Variants in CD226 observed in about 807,000 individuals in gnomAD.
CD226 encodes the protein CD226 antigen.
Under a neutral mutation model 34.9 loss-of-function variants are expected in CD226, and 24 were observed. The ratio of observed to expected loss-of-function variants is 0.69; its 90% CI spans 0.50 to 0.97. The LOEUF is 0.97. Ranked by LOEUF, CD226 falls within the 50% of genes least tolerant of loss-of-function variation. CD226 has a pLI of 0.00. For missense variants in CD226, 397 were observed against 412.7 expected (o/e 0.96, Z 0.33); for synonymous variants, 148 against 147.4 (o/e 1.00, Z -0.03).
chr18:69,952,733 G>GA (rs904946001), upstream of CD226, among the ~76,000 whole-genome samples: 18 of 151,986 alleles, frequency 1.2e-4, no homozygotes, highest in African/African-American at 4.3e-4. Flanking sequence ...GGCAACAAAA[G>GA]AAAAAAATAA....
In CD226 at chr18:69,911,394, C is replaced by T. The variant is rs1037398700; in HGVS notation, c.383-15349G>A. On this transcript the variant is annotated intron_variant, in intron 2 of 5. Coordinates refer to ENST00000582621, the MANE Select transcript of CD226 (RefSeq NM_001303618.2). ...ATTGAGCTATTAAAAGTCTATTAGC[C>T]TAGCAAGCCCTGGGAACTGCCTTCT... 1.9e-4 allele frequency among the ~76,000 whole-genome samples: 29 copies of T among 152,186 alleles called. 1 individual carries two copies. Among genetic ancestry groups the T allele is most frequent in the Admixed American group, 1.7e-3 (26 of 15,278 alleles).
At chr18:69,924,028 C>T (rs908590400) in intron 2 of CD226, among the ~76,000 whole-genome samples, 12 of 151,616 alleles carry the variant, frequency 7.9e-5, no homozygotes, top group African/African-American at 2.7e-4. Flanking sequence ...CATCATTTAT[C>T]GAGGATGGCT....
upstream of CD226, among the ~76,000 whole-genome samples, chr18:69,951,406 T>TC (rs2055853209): frequency 6.6e-6 from 1 of 152,182 alleles, no homozygotes; most frequent in Non-Finnish European, 1.5e-5. Flanking sequence ...TTCTCTTCTC[T>TC]CCATCCTTGT....
chr18:69,904,591 G>C (rs1366530026), intron 2 of CD226, among the ~76,000 whole-genome samples: 3 of 152,204 alleles, frequency 2.0e-5, no homozygotes, highest in African/African-American at 7.2e-5. Flanking sequence ...GGTACAATGA[G>C]AATGATGTTT....
At chr18:69,900,171 A>G (rs960055590) in intron 2 of CD226, among the ~76,000 whole-genome samples, 4 of 152,212 alleles carry the variant, frequency 2.6e-5, no homozygotes, top group Admixed American at 6.5e-5. Context: ...TCAGTAAACT[A>G]ATGCAGGAAT....
intron 3 of CD226, among the ~76,000 whole-genome samples, chr18:69,884,819 C>T (rs2145216688): frequency 6.6e-6 from 1 of 152,276 alleles, no homozygotes; most frequent in South Asian, 2.1e-4. Flanking sequence ...TACTTGAAGA[C>T]TAGTTATCAT....
intron 2 of CD226, among the ~76,000 whole-genome samples, chr18:69,901,169 A>C (rs964885505): frequency 2.6e-5 from 4 of 152,174 alleles, no homozygotes; most frequent in Non-Finnish European, 5.9e-5. Context: ...ACAACAAAAA[A>C]ATGAAAGGTG....
rs1161766228 is a variant in CD226, at chr18:69,863,620, C to T, written c.*694G>A. On this transcript the variant is annotated 3_prime_UTR_variant, in exon 6 of 6. Transcript: ENST00000582621. ...ATCCCATATTTCACTTTTTAGTTAA[C>T]AAAAATGTCTTGGTTAATCACTGCA... 1.3e-5 allele frequency: 2 copies of T among 152,160 alleles called. No individual in the cohort carries two copies. The highest frequency in any genetic ancestry group is 2.9e-5 in the Non-Finnish European group (2 of 68,040). 9.4% of individuals were successfully genotyped at this position (152,160 alleles called of 1,614,324 possible).
At chr18:69,905,303 A>G (rs920247157) in intron 2 of CD226, among the ~76,000 whole-genome samples, 19 of 151,476 alleles carry the variant, frequency 1.3e-4, no homozygotes, top group Admixed American at 9.2e-4. Flanking sequence ...TTAGAAATCA[A>G]TTTCTGCACT....
intron 2 of CD226, among the ~76,000 whole-genome samples, chr18:69,901,272 A>G (rs942102126): frequency 2.0e-5 from 3 of 152,226 alleles, no homozygotes; most frequent in African/African-American, 4.8e-5. Flanking sequence ...GGAGAAATGC[A>G]AAGTAGACAC....
In CD226 at chr18:69,876,453, G is replaced by A. The variant is rs1329001879; in HGVS notation, c.728-3207C>T. On this transcript the variant is annotated intron_variant, in intron 3 of 5. Coordinates refer to ENST00000582621, the MANE Select transcript of CD226 (RefSeq NM_001303618.2). Reference sequence around the variant, plus strand: ...GAAATATGTTACCTATTTGTAACCCGTTTTTAGTAATGTTTGGCCTCTTGG... The same window carrying A: ...GAAATATGTTACCTATTTGTAACCCATTTTTAGTAATGTTTGGCCTCTTGG... Among the ~76,000 whole-genome samples the A allele has an allele frequency of 5.9e-5, 9 of 152,278 alleles. No homozygotes were observed. The East Asian group carries it at 1.3e-3, about 23-fold the overall frequency.
intron 4 of CD226, among the ~76,000 whole-genome samples, chr18:69,872,091 G>GTGTGTGTGTGTGTGTGT (rs768112256): frequency 2.1e-5 from 2 of 93,702 alleles, no homozygotes; most frequent in South Asian, 3.6e-4. Context: ...TGTGTGTGTG[G>GTGTGTGTGTGTGTGTGT]TGCATTTGGT....
rs886919295 is a variant in CD226 at position 69,858,421 on chromosome 18, G to T, written c.*5893C>A. 6 of 152,194 alleles carry T rather than the reference G, an allele frequency of 3.9e-5. No individual in the cohort carries two copies. Among genetic ancestry groups the T allele is most frequent in the Non-Finnish European group, 8.8e-5 (6 of 68,078 alleles). The allele number at this position is 152,194 out of a possible 1,614,324, so 9.4% of individuals were successfully genotyped here. ...TACCCTGACTGCCACTATGGAAGCT[G>T]AAGGGGGAGATACAAGCTGCTGCCT... is the stretch of plus-strand genomic sequence containing the variant. On this transcript the variant is annotated 3_prime_UTR_variant, in exon 6 of 6. Transcript: ENST00000582621.
At chr18:69,957,695 G>A (rs1042868420), upstream of CD226, among the ~76,000 whole-genome samples, 1 of 152,134 alleles carries the variant, frequency 6.6e-6, no homozygotes, top group Non-Finnish European at 1.5e-5. Context: ...GGTCTCTTCT[G>A]CTGGACCACC....
rs563308192 is a variant in CD226, at chr18:69,857,318, T to G, written c.*6996A>C. Reference sequence around the variant, plus strand: ...TTTTTATGTGAGCTAAAATCAAAATTTGCTTCTGAGGACCATTATACGATA... The same window carrying G: ...TTTTTATGTGAGCTAAAATCAAAATGTGCTTCTGAGGACCATTATACGATA... On this transcript the variant is annotated 3_prime_UTR_variant, in exon 6 of 6. Coordinates refer to ENST00000582621, the MANE Select transcript of CD226 (RefSeq NM_001303618.2). The G allele has an allele frequency of 6.6e-6, 1 of 152,334 alleles. No homozygotes were observed. The highest frequency in any genetic ancestry group is 1.9e-4 in the East Asian group (1 of 5,184). 9.4% of individuals were successfully genotyped at this position (152,334 alleles called of 1,614,324 possible).
At chr18:69,873,288 C>A in intron 3 of CD226, 42 bp from the exon 4 acceptor site, 1 of 1,026,476 alleles carries the variant, frequency 9.7e-7, no homozygotes, top group Non-Finnish European at 1.5e-6. Context: ...GGAATTCAGC[C>A]AAAGGCAGTA....
At chr18:69,900,904 A>G (rs2055173871) in intron 2 of CD226, among the ~76,000 whole-genome samples, 2 of 152,220 alleles carry the variant, frequency 1.3e-5, no homozygotes. Flanking sequence ...ATATATTTAA[A>G]ATAGTATTAG....
At chr18:69,895,600 C>T (rs906135929) in intron 3 of CD226, 101 bp downstream of exon 3, 21 of 829,554 alleles carry the variant, frequency 2.5e-5, no homozygotes, top group East Asian at 4.9e-5. Context: ...GCTGAATATG[C>T]GCATTAAATG....
At chr18:69,878,100 T>A (rs954579393) in intron 3 of CD226, among the ~76,000 whole-genome samples, 2 of 152,332 alleles carry the variant, frequency 1.3e-5, no homozygotes, top group African/African-American at 2.4e-5. Flanking sequence ...TTTAGTTTTT[T>A]AAGTTTTGCT....
Sources: allele counts gnomAD v4.1 joint callset (sites outside exome capture counted in the v4.1 genomes callset), GRCh38; gene constraint gnomAD v4.1.1; transcripts MANE v1.5; gene names NCBI Gene and HGNC (gene_info 2026-07-23, HGNC 2026-07-21).